Variants in DAAM1 observed in about 807,000 individuals in gnomAD.
The protein encoded by DAAM1 is dishevelled associated activator of morphogenesis 1, also known as disheveled-associated activator of morphogenesis 1.
A neutral mutation model predicts 130.0 loss-of-function variants in DAAM1; 52 were observed. The ratio of observed to expected loss-of-function variants is 0.40; its 90% CI spans 0.32 to 0.50. The LOEUF is 0.50. DAAM1 is among the 20% of genes least tolerant of loss of function. The pLI is 0.61. For missense variants in DAAM1, 1,134 were observed against 1,303.8 expected, an observed-to-expected ratio of 0.87 and a Z score of 2.01; for synonymous variants, 452 against 444.5, an observed-to-expected ratio of 1.02 and a Z score of -0.21.
intron 1 of DAAM1, among the ~76,000 whole-genome samples, chr14:59,260,273 T>TA (rs1882109262): frequency 6.6e-6 from 1 of 152,234 alleles, no homozygotes; most frequent in African/African-American, 2.4e-5. Context: ...ATGGGTTTTT[T>TA]AAATCTCACT....
intron 20 of DAAM1, among the ~76,000 whole-genome samples, chr14:59,358,503 G>A (rs1224208364): frequency 1.3e-5 from 2 of 152,182 alleles, no homozygotes; most frequent in Non-Finnish European, 2.9e-5. Flanking sequence ...CCAGAGAAAG[G>A]GGGCTTTCTA....
intron 23 of DAAM1, among the ~76,000 whole-genome samples, chr14:59,366,649 T>A (rs546307120): frequency 6.6e-6 from 1 of 152,324 alleles, no homozygotes. Flanking sequence ...TAGACAGGAA[T>A]AAATGGTTTC....
chr14:59,304,901 T>A (rs1884315054), intron 3 of DAAM1, among the ~76,000 whole-genome samples: 1 of 152,252 alleles, frequency 6.6e-6, no homozygotes, highest in Non-Finnish European at 1.5e-5. Context: ...GCTTAATTAC[T>A]CTTTTCCAAA....
chr14:59,198,748 A>G (rs1351592116), intron 1 of DAAM1, among the ~76,000 whole-genome samples: 2 of 152,204 alleles, frequency 1.3e-5, no homozygotes, highest in Non-Finnish European at 2.9e-5. Flanking sequence ...GTTTAATCAC[A>G]CATGTTTGAC....
intron 18 of DAAM1, 76 bp downstream of exon 18, chr14:59,352,708 A>C: frequency 7.5e-7 from 1 of 1,337,258 alleles, no homozygotes. Flanking sequence ...TTCATGTTGA[A>C]TTGTTTGGGC....
chr14:59,246,220 C>G (rs1159764895), intron 1 of DAAM1, among the ~76,000 whole-genome samples: 8 of 152,110 alleles, frequency 5.3e-5, no homozygotes, highest in Admixed American at 5.2e-4. Context: ...TCCCCATTTC[C>G]TGCTCCCCTG....
At chr14:59,245,316 A>G (rs1278815314) in intron 1 of DAAM1, among the ~76,000 whole-genome samples, 1 of 152,112 alleles carries the variant, frequency 6.6e-6, no homozygotes, top group South Asian at 2.1e-4. Context: ...TTATACTTTC[A>G]ATACTGTATT....
chr14:59,286,009 C>T (rs1883436446), intron 2 of DAAM1, among the ~76,000 whole-genome samples: 2 of 152,036 alleles, frequency 1.3e-5, no homozygotes, highest in Non-Finnish European at 2.9e-5. Flanking sequence ...TAAGATCAAC[C>T]ACATATTCAG....
intron 1 of DAAM1, among the ~76,000 whole-genome samples, chr14:59,193,464 T>A (rs1254211374): frequency 6.6e-6 from 1 of 152,234 alleles, no homozygotes; most frequent in Non-Finnish European, 1.5e-5. Flanking sequence ...GGTTACCTTT[T>A]AATTTTTTAG....
At chr14:59,197,495 A>G (rs1203945592) in intron 1 of DAAM1, among the ~76,000 whole-genome samples, 1 of 152,088 alleles carries the variant, frequency 6.6e-6, no homozygotes, top group East Asian at 1.9e-4. Flanking sequence ...CTGCTATTAT[A>G]TTTTCGTCTT....
chr14:59,199,817 G>A (rs1427411585), intron 1 of DAAM1, among the ~76,000 whole-genome samples: 2 of 152,142 alleles, frequency 1.3e-5, no homozygotes, highest in African/African-American at 4.8e-5. Context: ...ATGTTTAACA[G>A]CATCCCTGGC....
chr14:59,234,039 A>C (rs543300053), intron 1 of DAAM1, among the ~76,000 whole-genome samples: 1 of 151,974 alleles, frequency 6.6e-6, no homozygotes, highest in East Asian at 1.9e-4. Context: ...TGTAGCCTTG[A>C]AATATAGTTT....
intron 1 of DAAM1, among the ~76,000 whole-genome samples, chr14:59,261,314 C>T (rs1037262215): frequency 3.9e-5 from 6 of 152,232 alleles, no homozygotes; most frequent in African/African-American, 1.4e-4. Flanking sequence ...TGGTGAACTA[C>T]TGTCTCTCAC....
chr14:59,225,019 GTTTTTTTTTTT>G (rs869233694), intron 1 of DAAM1, among the ~76,000 whole-genome samples: 8 of 90,806 alleles, frequency 8.8e-5, no homozygotes, highest in African/African-American at 1.9e-4. Context: ...ATCTGTGTGG[GTTTTTTTTTTT>G]TTTTTTTTTT....
chr14:59,304,866 A>G (rs148555413), intron 3 of DAAM1, among the ~76,000 whole-genome samples: 1 of 152,308 alleles, frequency 6.6e-6, no homozygotes, highest in East Asian at 1.9e-4. Flanking sequence ...TTATGTGCTT[A>G]CTGTTACCCC....
intron 16 of DAAM1, among the ~76,000 whole-genome samples, chr14:59,341,861 T>G (rs1266154396): frequency 6.6e-6 from 1 of 152,190 alleles, no homozygotes; most frequent in Non-Finnish European, 1.5e-5. Context: ...TTTAAAACAC[T>G]TGGTGAAGGG....
At chr14:59,240,133 G>C (rs1253188136) in intron 1 of DAAM1, among the ~76,000 whole-genome samples, 2 of 152,200 alleles carry the variant, frequency 1.3e-5, no homozygotes, top group Non-Finnish European at 2.9e-5. Context: ...GCTGTAGCTT[G>C]AAAGATGTGA....
intron 2 of DAAM1, among the ~76,000 whole-genome samples, chr14:59,267,559 T>C (rs1419815752): frequency 6.6e-6 from 1 of 152,076 alleles, no homozygotes; most frequent in Non-Finnish European, 1.5e-5. Context: ...CTATGTAAAG[T>C]GTGCAATTCA....
At chr14:59,264,633 G>A (rs1882347846) in intron 2 of DAAM1, 1 of 151,902 alleles carries the variant, frequency 6.6e-6, no homozygotes, top group Non-Finnish European at 1.5e-5. Context: ...AATGGAATTA[G>A]TTCTTCTTTT....
Sources: gnomAD v4.1 joint callset for allele counts (sites outside exome capture counted in the v4.1 genomes callset) on GRCh38, gnomAD v4.1.1 for gene constraint, MANE v1.5 for transcripts, NCBI Gene and HGNC (gene_info 2026-07-23, HGNC 2026-07-21) for gene names.